STPG2: variants seen among roughly 807,000 people sequenced by gnomAD.
STPG2 encodes the protein sperm-tail PG-rich repeat-containing protein 2.
A neutral mutation model predicts 54.2 loss-of-function variants in STPG2; 56 were observed. The ratio of observed to expected loss-of-function variants is 1.03; its 90% CI spans 0.83 to 1.29. STPG2 has a LOEUF of 1.29. Among genes scored for constraint, STPG2 ranks in the 50% most tolerant of loss-of-function variants. The pLI is 0.00. For synonymous variants in STPG2, 200 were observed against 181.8 expected (o/e 1.10, Z -0.81); for missense variants, 596 against 544.9 (o/e 1.09, Z -0.93).
At chr4:98,103,781 A>G (rs1266884578) in intron 5 of STPG2, among the ~76,000 whole-genome samples, 1 of 152,070 alleles carries the variant, frequency 6.6e-6, no homozygotes, top group Non-Finnish European at 1.5e-5. Flanking sequence ...TAGCTCTTCT[A>G]TCATGCCTCA....
chr4:98,004,008 ATG>A (rs886354025), intron 5 of STPG2, among the ~76,000 whole-genome samples: 1 of 148,120 alleles, frequency 6.8e-6, no homozygotes, highest in African/African-American at 2.5e-5. Context: ...GTGTGTGTGT[ATG>A]TGTGTGTGTG....
At chr4:97,976,075 A>G (rs1734487665) in intron 6 of STPG2, among the ~76,000 whole-genome samples, 1 of 152,144 alleles carries the variant, frequency 6.6e-6, no homozygotes, top group Non-Finnish European at 1.5e-5. Flanking sequence ...TCTGACACAT[A>G]TAAGATTTCT....
intron 10 of STPG2, among the ~76,000 whole-genome samples, chr4:97,687,026 C>T (rs185310473): frequency 0.021 from 3,246 of 151,270 alleles, 72 homozygotes; most frequent in African/African-American, 0.059. Context: ...CTGCAAGCTC[C>T]GCCTCCCGGG....
At position 98,128,530 on chromosome 4, in the gene STPG2, T is replaced by C. The variant is rs1739894954; in HGVS notation, c.285A>G (p.Gly95=). ...CATTAATATGATAACCATATGACTT[T>C]CCACAAGAAGGAATTGAAGGAACAT... The part of the protein sequence containing the change: ...SVDVPSIPSC[G]KSYGYHINDD... Residue 95 remains glycine (G), a synonymous_variant, in exon 3 of 11, where the codon GGA becomes GGG. Transcript: ENST00000295268. The C allele has an allele frequency of 6.2e-7, 1 of 1,612,094 alleles. No homozygotes were observed.
At chr4:97,866,359 C>T (rs1270572115) in intron 8 of STPG2, among the ~76,000 whole-genome samples, 3 of 151,846 alleles carry the variant, frequency 2.0e-5, no homozygotes, top group Non-Finnish European at 4.4e-5. Context: ...ATCTCATATA[C>T]CCCATAAATA....
chr4:97,816,124 T>G (rs1042290792), intron 9 of STPG2, among the ~76,000 whole-genome samples: 1 of 152,152 alleles, frequency 6.6e-6, no homozygotes, highest in Non-Finnish European at 1.5e-5. Flanking sequence ...AGTGACAACA[T>G]GCAGTGTTTG....
At chr4:98,097,126 G>T (rs554366709) in intron 5 of STPG2, among the ~76,000 whole-genome samples, 1 of 152,036 alleles carries the variant, frequency 6.6e-6, no homozygotes, top group Non-Finnish European at 1.5e-5. Context: ...ATTCTATGAG[G>T]CCAGTATTAC....
At chr4:98,036,777 C>A (rs1318257389) in intron 5 of STPG2, among the ~76,000 whole-genome samples, 3 of 151,952 alleles carry the variant, frequency 2.0e-5, no homozygotes, top group South Asian at 2.1e-4. Flanking sequence ...ACCTATGTAA[C>A]AAACCTGCAC....
chr4:97,629,714 A>T (rs1416675920), intron 10 of STPG2, among the ~76,000 whole-genome samples: 1 of 151,992 alleles, frequency 6.6e-6, no homozygotes, highest in Non-Finnish European at 1.5e-5. Context: ...ACTTGACAAC[A>T]ATCTAATTTC....
At chr4:97,606,759 C>T (rs1273680209) in intron 10 of STPG2, among the ~76,000 whole-genome samples, 3 of 151,832 alleles carry the variant, frequency 2.0e-5, no homozygotes, top group Non-Finnish European at 4.4e-5. Flanking sequence ...TTGTCTTTTA[C>T]CTCTAAACAT....
chr4:98,106,203 C>A, intron 4 of STPG2, 139 bp from the exon 5 acceptor site: 1 of 553,654 alleles, frequency 1.8e-6, no homozygotes, highest in Non-Finnish European at 2.7e-6. Context: ...TATATTAGAC[C>A]AATATATTCA....
chr4:97,782,608 G>A (rs912708163), intron 9 of STPG2, among the ~76,000 whole-genome samples: 27 of 152,078 alleles, frequency 1.8e-4, no homozygotes, highest in South Asian at 2.1e-4. Flanking sequence ...CGAAAAAAGC[G>A]CCTGCATTGC....
intron 3 of STPG2, among the ~76,000 whole-genome samples, chr4:98,110,359 T>C (rs963569251): frequency 6.6e-6 from 1 of 152,122 alleles, no homozygotes; most frequent in Non-Finnish European, 1.5e-5. Flanking sequence ...GGCTCACACA[T>C]GCACACTAAA....
At position 98,018,394 on chromosome 4, in the gene STPG2, G is replaced by C. The variant is rs372726990; in HGVS notation, c.613-37076C>G. Among the ~76,000 whole-genome samples the C allele has an allele frequency of 4.2e-3, 635 of 152,256 alleles. 5 individuals are homozygous for C. Among genetic ancestry groups the C allele is most frequent in the African/African-American group, 0.012 (518 of 41,548 alleles). On this transcript the variant is annotated intron_variant, in intron 5 of 10. Coordinates refer to ENST00000295268, the MANE Select transcript of STPG2 (RefSeq NM_174952.3). ...AGTATTCCATGGTGTATATGTGCCA[G>C]ATTTTCTTAATCCAGTCTATCATTG...
chr4:97,507,801 C>G (rs763854567), intron 4 of STPG2, among the ~76,000 whole-genome samples: 13 of 152,112 alleles, frequency 8.5e-5, no homozygotes, highest in Non-Finnish European at 1.6e-4. Flanking sequence ...ACTTCCATGC[C>G]TTCCCCACAA....
chr4:98,036,893 T>C (rs1736796875), intron 5 of STPG2, among the ~76,000 whole-genome samples: 1 of 152,120 alleles, frequency 6.6e-6, no homozygotes, highest in Non-Finnish European at 1.5e-5. Context: ...AAATATAGTT[T>C]TCTTAGTCAT....
intron 10 of STPG2, among the ~76,000 whole-genome samples, chr4:97,636,630 A>T (rs1721544328): frequency 2.0e-5 from 3 of 151,726 alleles, no homozygotes; most frequent in Middle Eastern, 3.2e-3. Flanking sequence ...GAAGAATCAA[A>T]TAGATGCAAT....
At chr4:98,050,025 A>G (rs1276977459) in intron 5 of STPG2, among the ~76,000 whole-genome samples, 2 of 152,196 alleles carry the variant, frequency 1.3e-5, no homozygotes, top group Non-Finnish European at 2.9e-5. Flanking sequence ...TTTGATAAAT[A>G]TAATATAATG....
chr4:97,718,287 A>G (rs1724351894), intron 9 of STPG2, among the ~76,000 whole-genome samples: 1 of 152,080 alleles, frequency 6.6e-6, no homozygotes, highest in South Asian at 2.1e-4. Flanking sequence ...CTTCACAAAC[A>G]TTAAAGAAAA....
Sources: gnomAD v4.1 joint callset for allele counts (sites outside exome capture counted in the v4.1 genomes callset) on GRCh38, gnomAD v4.1.1 for gene constraint, MANE v1.5 for transcripts, NCBI Gene and HGNC (gene_info 2026-07-23, HGNC 2026-07-21) for gene names.